Variants in DNAJC11 observed in about 807,000 individuals in gnomAD.
DNAJC11 encodes the protein DnaJ heat shock protein family (Hsp40) member C11, also known as dnaJ homolog subfamily C member 11.
DNAJC11 carries 15 observed loss-of-function variants against 78.6 expected under a neutral mutation model. That is an observed-to-expected ratio of 0.19 (90% CI 0.13 to 0.29). DNAJC11 has a LOEUF of 0.29. Among genes scored for constraint, DNAJC11 ranks in the 10% least tolerant of loss-of-function variants. The probability of loss-of-function intolerance (pLI) is 1.00; values close to 1 mark genes in which losing one functional copy is unlikely to be tolerated. For missense variants in DNAJC11, 547 were observed against 709.6 expected (o/e 0.77, Z 2.60); for synonymous variants, 292 against 272.1 (o/e 1.07, Z -0.72).
intron 2 of DNAJC11, 79 bp from the exon 3 acceptor site, chr1:6,678,546 G>A: frequency 8.5e-7 from 1 of 1,170,964 alleles, no homozygotes. Context: ...ACATCATTAG[G>A]TAAGCCCATC....
intron 7 of DNAJC11, 96 bp from the exon 8 acceptor site, chr1:6,646,074 C>G (rs1167753703): frequency 1.6e-5 from 20 of 1,242,932 alleles, no homozygotes; most frequent in Non-Finnish European, 2.3e-5. Context: ...CACTTACTGT[C>G]ACGTCTATGC....
chr1:6,659,987 C>T (rs1239169144), intron 4 of DNAJC11, among the ~76,000 whole-genome samples: 16 of 147,094 alleles, frequency 1.1e-4, no homozygotes, highest in African/African-American at 3.8e-4. Context: ...ACCCGGGAGG[C>T]GGAGCTTGCA....
rs921011307 is a variant in DNAJC11, at chr1:6,698,820, T to C, written c.72+2909A>G. ...AGCCAGCTGTGGTGGTGTGTGCCTG[T>C]AATACCAGCTACTCTGGTGGCTGAG... On this transcript the variant is annotated intron_variant, in intron 1 of 15. Coordinates refer to ENST00000377577, the MANE Select transcript of DNAJC11 (RefSeq NM_018198.4). Among the ~76,000 whole-genome samples the C allele has an allele frequency of 8.0e-5, 12 of 150,628 alleles. No individual in the cohort carries two copies. The Admixed American group carries it at 8.0e-4, about 10-fold the overall frequency.
At chr1:6,658,622 T>G (rs1642164578) in intron 4 of DNAJC11, among the ~76,000 whole-genome samples, 1 of 148,276 alleles carries the variant, frequency 6.7e-6, no homozygotes, top group African/African-American at 2.5e-5. Context: ...TTTTGAACCT[T>G]GTACACATAT....
rs975356259 is a variant in DNAJC11 at position 6,635,375 on chromosome 1, G to C, written c.*300C>G. On this transcript the variant is annotated 3_prime_UTR_variant, in exon 16 of 16. Transcript: ENST00000377577. ...CAGGGCGGCGGGCTGCGGTCAGCAC[G>C]TGTGCTCGGGACACAGCGGAGTCAG... 4 of 337,384 alleles carry C rather than the reference G, an allele frequency of 1.2e-5. No individual in the cohort carries two copies. The highest frequency in any genetic ancestry group is 2.2e-5 in the Non-Finnish European group (4 of 183,292). 20.9% of individuals were successfully genotyped at this position (337,384 alleles called of 1,614,324 possible).
rs1570305465 is a variant in DNAJC11, at chr1:6,680,830, A to C, written c.202+78T>G. 1.9e-6 allele frequency: 3 copies of C among 1,558,282 alleles called. No individual in the cohort carries two copies. The highest frequency in any genetic ancestry group is 2.6e-6 in the Non-Finnish European group (3 of 1,143,468). Reference sequence around the variant, plus strand: ...ATACCTCTAAGGACTCTCTTTTTCTATCCTCTACAAATCGCACCTCCTAAA... The same window carrying C: ...ATACCTCTAAGGACTCTCTTTTTCTCTCCTCTACAAATCGCACCTCCTAAA... On this transcript the variant is annotated intron_variant, in intron 2 of 15. Transcript: ENST00000377577. This position sits in a 1 kb window ranked among gnomAD's most constrained non-coding sequence, Gnocchi z 4.0.
chr1:6,659,280 G>A (rs546094236), intron 4 of DNAJC11, among the ~76,000 whole-genome samples: 8 of 152,166 alleles, frequency 5.3e-5, no homozygotes, highest in South Asian at 2.1e-4. Flanking sequence ...TTCTCTCATC[G>A]TTCCAGACAC....
Position 6,653,964 on chromosome 1 carries a change from T to G in DNAJC11, c.454A>C (p.Ser152Arg). 6.2e-7 allele frequency: 1 copy of G among 1,613,656 alleles called. No individual in the cohort carries two copies. The highest frequency in any genetic ancestry group is 2.2e-5 in the East Asian group (1 of 44,886). Residue 152 changes from serine (S) to arginine (R), a missense_variant, in exon 5 of 16, where the codon AGT (serine) becomes CGT (arginine). Physicochemically the swap from Ser to Arg is moderately radical, Grantham distance 110 (BLOSUM62 -1). Transcript: ENST00000377577. This position sits in a 1 kb window ranked among gnomAD's most constrained non-coding sequence, Gnocchi z 4.5. ...TTAATTTCAATCTGCGGAAAGCTAC[T>G]GCCGGACACATCTTCATACTCCTCA... The part of the protein sequence containing the change: ...YDEEYEDVSG[S>R]SFPQIEINKM...
Position 6,636,199 on chromosome 1 carries a change from G to A in DNAJC11, c.1572C>T (p.Asn524=). Residue 524 remains asparagine (N), a synonymous_variant, in exon 15 of 16, where the codon AAC becomes AAT. Transcript: ENST00000377577. ...CCCGGAACTGATAGAGCACTTTCAG[G>A]TTCTTCTCTTCCCCCACACACGGGT... ...FYDPCVGEEK[N]LKVLYQFRGV... is the part of the protein sequence containing the mutation. 1.1e-5 allele frequency: 18 copies of A among 1,614,064 alleles called. No homozygotes were observed. The highest frequency in any genetic ancestry group is 1.4e-5 in the Non-Finnish European group (17 of 1,180,032).
intron 1 of DNAJC11, among the ~76,000 whole-genome samples, chr1:6,695,656 A>AAAAAAAATT (rs1642823964): frequency 7.3e-6 from 1 of 137,072 alleles, no homozygotes; most frequent in Admixed American, 7.3e-5. Context: ...AAAAAAAAAA[A>AAAAAAAATT]AATTAGCCGG....
At chr1:6,647,078 G>GT (rs1179075322) in intron 7 of DNAJC11, among the ~76,000 whole-genome samples, 1 of 118,426 alleles carries the variant, frequency 8.4e-6, no homozygotes, top group Admixed American at 1.2e-4. Context: ...GCCTGGACAG[G>GT]TCTTTTTTTT....
chr1:6,663,211 T>C (rs1450877730), intron 4 of DNAJC11, among the ~76,000 whole-genome samples: 1 of 152,190 alleles, frequency 6.6e-6, no homozygotes, highest in Non-Finnish European at 1.5e-5. Context: ...GGAAATAATG[T>C]AAATCTCCAT....
chr1:6,666,267 T>C (rs1273391964), intron 4 of DNAJC11, among the ~76,000 whole-genome samples: 1 of 152,064 alleles, frequency 6.6e-6, no homozygotes, highest in Non-Finnish European at 1.5e-5. Context: ...TCTGGATATA[T>C]GGTCCTTTAA....
At chr1:6,646,145 G>A (rs766769172) in intron 7 of DNAJC11, among the ~76,000 whole-genome samples, 167 bp from the exon 8 acceptor site, 2 of 151,660 alleles carry the variant, frequency 1.3e-5, no homozygotes, top group Admixed American at 6.6e-5. Flanking sequence ...TCCACACAGA[G>A]GGGGAGGGTC....
Position 6,634,770 on chromosome 1 carries a change from G to A in DNAJC11, c.*905C>T, listed in dbSNP as rs1252495812. 4.5e-6 allele frequency: 6 copies of A among 1,326,632 alleles called. No homozygotes were observed. In the Admixed American group the frequency reaches 1.3e-4, roughly 28 times the overall value. The allele number at this position is 1,326,632 out of a possible 1,614,324, so 82.2% of individuals were successfully genotyped here. Reference sequence around the variant, plus strand: ...AGGACGCTGGACCTGCAGGAGCGGGGAGCTGCAGTGCCACCTGCTGGGTAC... The same window carrying A: ...AGGACGCTGGACCTGCAGGAGCGGGAAGCTGCAGTGCCACCTGCTGGGTAC... On this transcript the variant is annotated 3_prime_UTR_variant, in exon 16 of 16. Transcript: ENST00000377577.
rs1570270202 is a variant in DNAJC11 at position 6,645,732 on chromosome 1, G to A, written c.894+57C>T. 1 of 1,583,252 alleles carries A rather than the reference G, an allele frequency of 6.3e-7. No homozygotes were observed. The highest frequency in any genetic ancestry group is 8.6e-7 in the Non-Finnish European group (1 of 1,156,994). On this transcript the variant is annotated intron_variant, in intron 8 of 15. Transcript: ENST00000377577. The surrounding 1 kb of genome is among the most constrained non-coding windows in gnomAD (Gnocchi z 4.1). ...GATTTAAGGGGAGCACTGAGTGCTT[G>A]GGAGGAGGGGTCCTCCCAGAGCTCT...
intron 3 of DNAJC11, among the ~76,000 whole-genome samples, chr1:6,669,817 GGGGGCA>G (rs1366206995): frequency 6.6e-6 from 1 of 152,206 alleles, no homozygotes; most frequent in Non-Finnish European, 1.5e-5. Context: ...GGATGGGGGA[GGGGGCA>G]GGGGTATACG....
rs1001870325 is a variant in DNAJC11, at chr1:6,645,678, G to A, written c.894+111C>T. ...GCCTGCCCCTCAGGGCCCTGTATGG[G>A]CTTAGACTTAGTGGTGATCAGGACG... On this transcript the variant is annotated intron_variant, in intron 8 of 15. Coordinates refer to ENST00000377577, the MANE Select transcript of DNAJC11 (RefSeq NM_018198.4). The surrounding 1 kb of genome is among the most constrained non-coding windows in gnomAD (Gnocchi z 4.1). The A allele has an allele frequency of 1.8e-5, 23 of 1,288,022 alleles. No homozygotes were observed. Among genetic ancestry groups the A allele is most frequent in the Non-Finnish European group, 2.3e-5 (21 of 913,988 alleles). 79.8% of individuals were successfully genotyped at this position (1,288,022 alleles called of 1,614,324 possible).
At chr1:6,670,094 C>T (rs1191111148) in intron 3 of DNAJC11, among the ~76,000 whole-genome samples, 1 of 151,978 alleles carries the variant, frequency 6.6e-6, no homozygotes, top group Non-Finnish European at 1.5e-5. Context: ...GCTGGGACAA[C>T]AGGTGTGCGG....
Sources: gnomAD v4.1 joint callset for allele counts (sites outside exome capture counted in the v4.1 genomes callset) on GRCh38, gnomAD v4.1.1 for gene constraint, Gnocchi (gnomAD v3.1) non-coding constraint, MANE v1.5 for transcripts, NCBI Gene and HGNC (gene_info 2026-07-23, HGNC 2026-07-21) for gene names.